ZNF90: variants seen among roughly 807,000 people sequenced by gnomAD.
ZNF90 encodes zinc finger protein HTF9.
In ZNF90, 11 loss-of-function variants were observed where a neutral mutation model predicts 12.0. The ratio of observed to expected loss-of-function variants is 0.92; its 90% CI spans 0.58 to 1.52. The LOEUF is 1.52. Ranked by LOEUF, ZNF90 falls within the 40% of genes most tolerant of loss-of-function variation. The pLI is 0.00. For missense variants in ZNF90, 765 were observed against 711.5 expected (o/e 1.08, Z -0.86); for synonymous variants, 232 against 240.1 (o/e 0.97, Z 0.31).
chr19:20,085,683 ACT>A (rs1163104200), intron 1 of ZNF90, among the ~76,000 whole-genome samples: 1 of 151,938 alleles, frequency 6.6e-6, no homozygotes, highest in African/African-American at 2.4e-5. Context: ...AGAGTTCAAA[ACT>A]CTTTGAAAAC....
chr19:20,116,598 G>A (rs2089139026), intron 3 of ZNF90, among the ~76,000 whole-genome samples: 2 of 152,094 alleles, frequency 1.3e-5, no homozygotes, highest in Admixed American at 1.3e-4. Context: ...TTTGGACATT[G>A]ACAAAAAGCT....
chr19:20,120,739 T>C lies in ZNF90; in HGVS notation c.*1379T>C, dbSNP rs924617804. The C allele has an allele frequency of 6.6e-6, 1 of 152,192 alleles. No individual in the cohort carries two copies. The highest frequency in any genetic ancestry group is 1.5e-5 in the Non-Finnish European group (1 of 68,024). The allele number at this position is 152,192 out of a possible 1,614,324, so 9.4% of individuals were successfully genotyped here. On this transcript the variant is annotated 3_prime_UTR_variant, in exon 4 of 4. Transcript: ENST00000418063. ...CAAAAATTGTTAGATAAATTATATA[T>C]AGCTTTAAAAGGTTTTTTGAAGCAT...
chr19:20,113,892 C>T (rs1018058384), intron 3 of ZNF90, among the ~76,000 whole-genome samples: 11 of 152,080 alleles, frequency 7.2e-5, no homozygotes, highest in Admixed American at 2.0e-4. Flanking sequence ...GTGTCAGAAA[C>T]ACTTTTGGAT....
Position 20,118,703 on chromosome 19 carries a change from C to T in ZNF90, c.1149C>T (p.Leu383=), listed in dbSNP as rs781970540. Residue 383 remains leucine (L), a synonymous_variant, in exon 4 of 4, where the codon CTC becomes CTT. Coordinates refer to ENST00000418063, the MANE Select transcript of ZNF90 (RefSeq NM_007138.2). The part of the protein sequence containing the change: ...KCGKAFISSS[L]LYKHKISHSE... ...GCAAAGCATTTATTTCATCCTCACTCCTTTATAAACATAAGATAAGTCATA... is the reference window on the plus strand; with the variant it reads ...GCAAAGCATTTATTTCATCCTCACTTCTTTATAAACATAAGATAAGTCATA... 1.9e-6 allele frequency: 3 copies of T among 1,565,124 alleles called. No homozygotes were observed. The highest frequency in any genetic ancestry group is 2.7e-5 in the East Asian group (1 of 37,532).
In ZNF90 at chr19:20,079,607, G is replaced by A. The variant is rs112183243; in HGVS notation, c.3+1472G>A. ...AGGAGGTGGGAGGGGAATGGCAAAT[G>A]GAGGGTGCAAAAGTCAGATTTTATA... On this transcript the variant is annotated intron_variant, in intron 1 of 3. Transcript: ENST00000418063. Among the ~76,000 whole-genome samples, 636 of 152,024 alleles carry A rather than the reference G, an allele frequency of 4.2e-3. 6 individuals are homozygous for A. The highest frequency in any genetic ancestry group is 0.015 in the African/African-American group (608 of 41,316).
intron 1 of ZNF90, chr19:20,087,368 G>A (rs1019279704): frequency 6.6e-6 from 1 of 152,400 alleles, no homozygotes. Flanking sequence ...TGTATCACAT[G>A]GTTTCTGAAT....
intron 3 of ZNF90, among the ~76,000 whole-genome samples, chr19:20,106,630 T>G (rs191671093): frequency 6.6e-6 from 1 of 152,208 alleles, no homozygotes; most frequent in African/African-American, 2.4e-5. Context: ...ATTTTTTGTA[T>G]TTTTAGTAGA....
chr19:20,089,414 G>A (rs936727746), intron 1 of ZNF90, among the ~76,000 whole-genome samples: 9 of 152,076 alleles, frequency 5.9e-5, no homozygotes, highest in Admixed American at 2.6e-4. Context: ...ATTGATAGAG[G>A]GCTTGTCTGT....
intron 1 of ZNF90, among the ~76,000 whole-genome samples, chr19:20,081,857 C>G (rs1473247865): frequency 6.6e-6 from 1 of 151,718 alleles, no homozygotes; most frequent in Non-Finnish European, 1.5e-5. Flanking sequence ...GTCTGCCTCC[C>G]AGGTTCACAC....
intron 3 of ZNF90, among the ~76,000 whole-genome samples, chr19:20,111,396 T>C (rs2089087607): frequency 1.3e-5 from 2 of 152,186 alleles, no homozygotes; most frequent in South Asian, 4.1e-4. Context: ...CTTTTCTGTA[T>C]TTTTTGTAGA....
chr19:20,078,902 C>G (rs908757403), intron 1 of ZNF90, among the ~76,000 whole-genome samples: 9 of 152,022 alleles, frequency 5.9e-5, no homozygotes, highest in Admixed American at 5.9e-4. Flanking sequence ...GCGGGCGGAT[C>G]ACGTGGTCAA....
intron 3 of ZNF90, among the ~76,000 whole-genome samples, chr19:20,106,795 T>A (rs1328605418): frequency 6.6e-6 from 1 of 152,196 alleles, no homozygotes; most frequent in Non-Finnish European, 1.5e-5. Context: ...GATCTTTTGT[T>A]GGGCCCTTAG....
chr19:20,110,430 T>G (rs564010447), intron 3 of ZNF90, among the ~76,000 whole-genome samples: 13 of 152,016 alleles, frequency 8.6e-5, no homozygotes, highest in South Asian at 2.1e-4. Flanking sequence ...AGGCACCCAC[T>G]ACCATGCCTA....
At chr19:20,090,414 A>G (rs1190783186) in intron 1 of ZNF90, among the ~76,000 whole-genome samples, 1 of 152,108 alleles carries the variant, frequency 6.6e-6, no homozygotes, top group African/African-American at 2.4e-5. Flanking sequence ...GGGGGAGAGT[A>G]CTTGTGACTT....
rs782184289 is a variant in ZNF90 at position 20,119,412 on chromosome 19, C to T, written c.*52C>T. The T allele has an allele frequency of 7.9e-5, 116 of 1,465,810 alleles. No homozygotes were observed. The highest frequency in any genetic ancestry group is 1.1e-4 in the South Asian group (8 of 74,446). 90.8% of individuals were successfully genotyped at this position (1,465,810 alleles called of 1,614,324 possible). A position where few individuals can be genotyped will look rare whatever the true frequency, so the allele number is the denominator to read the frequency against. Reference sequence around the variant, plus strand: ...AAGATAATTCATACTGGAGAGAAACCGTATAAATGTGATGACTGTTGGAAA... The same window carrying T: ...AAGATAATTCATACTGGAGAGAAACTGTATAAATGTGATGACTGTTGGAAA... On this transcript the variant is annotated 3_prime_UTR_variant, in exon 4 of 4. Coordinates refer to ENST00000418063, the MANE Select transcript of ZNF90 (RefSeq NM_007138.2).
chr19:20,102,586 C>G (rs1180128540), intron 1 of ZNF90, among the ~76,000 whole-genome samples: 3 of 152,150 alleles, frequency 2.0e-5, no homozygotes, highest in Non-Finnish European at 4.4e-5. Flanking sequence ...GAGATGTTCT[C>G]TTTTTGAGTG....
rs2089183798 is a variant in ZNF90 at position 20,120,209 on chromosome 19, G to T, written c.*849G>T. Among the ~76,000 whole-genome samples the T allele has an allele frequency of 6.6e-6, 1 of 152,124 alleles. No homozygotes were observed. The highest frequency in any genetic ancestry group is 6.5e-5 in the Admixed American group (1 of 15,274). On this transcript the variant is annotated 3_prime_UTR_variant, in exon 4 of 4. Coordinates refer to ENST00000418063, the MANE Select transcript of ZNF90 (RefSeq NM_007138.2). ...AAAATTGCACAATTATAAAAAATAT[G>T]GAAAACCCATTAATGCCTACTCACA...
intron 1 of ZNF90, among the ~76,000 whole-genome samples, chr19:20,082,348 G>A (rs953277381): frequency 4.6e-5 from 7 of 152,128 alleles, no homozygotes; most frequent in African/African-American, 1.4e-4. Flanking sequence ...CATTTGTGGG[G>A]AAAAGAGAGA....
chr19:20,115,566 TAA>T (rs777938499), intron 3 of ZNF90, among the ~76,000 whole-genome samples: 1 of 151,230 alleles, frequency 6.6e-6, no homozygotes, highest in Admixed American at 6.6e-5. Context: ...AAAAATAACT[TAA>T]GTTATATGCA....
Sources: gnomAD v4.1 joint callset for allele counts (sites outside exome capture counted in the v4.1 genomes callset) on GRCh38, gnomAD v4.1.1 for gene constraint, MANE v1.5 for transcripts, NCBI Gene and HGNC (gene_info 2026-07-23, HGNC 2026-07-21) for gene names.